Variants in KLHL26 observed in about 807,000 individuals in gnomAD.
KLHL26 encodes the protein kelch-like protein 26.
A neutral mutation model predicts 7.1 loss-of-function variants in KLHL26; 4 were observed. That is an observed-to-expected ratio of 0.56 (90% CI 0.28 to 1.28). KLHL26 has a LOEUF of 1.28. KLHL26 is among the 50% of genes most tolerant of loss of function. The pLI is 0.11. For missense variants in KLHL26, 896 were observed against 924.6 expected (o/e 0.97, Z 0.40); for synonymous variants, 465 against 414.1 (o/e 1.12, Z -1.49).
intron 1 of KLHL26, among the ~76,000 whole-genome samples, chr19:18,637,993 T>G (rs919788129): frequency 3.3e-5 from 5 of 152,124 alleles, no homozygotes; most frequent in Non-Finnish European, 7.4e-5. Flanking sequence ...ACTAATGATA[T>G]GTGTGTGCAT....
rs1282003943 is a variant in KLHL26 at position 18,655,718 on chromosome 19, C to T, written c.84-8543C>T. 2.6e-5 allele frequency among the ~76,000 whole-genome samples: 4 copies of T among 152,214 alleles called. 1 individual carries two copies. Among genetic ancestry groups the T allele is most frequent in the Non-Finnish European group, 5.9e-5 (4 of 68,038 alleles). ...TGGAGGCAGAGAGCTTGCTGCTGGT[C>T]AGGGAGGTGGGGTCTGAACACCCCC... is the stretch of plus-strand genomic sequence containing the variant. On this transcript the variant is annotated intron_variant, in intron 1 of 2. Coordinates refer to ENST00000300976, the MANE Select transcript of KLHL26 (RefSeq NM_018316.3).
intron 1 of KLHL26, among the ~76,000 whole-genome samples, chr19:18,645,001 G>C (rs2145374607): frequency 6.6e-6 from 1 of 152,248 alleles, no homozygotes; most frequent in African/African-American, 2.4e-5. Context: ...AAAAAAGAAA[G>C]AGAAAAGCTT....
rs1471943913 is a variant in KLHL26, at chr19:18,637,038, G to A, written c.-17G>A. The A allele has an allele frequency of 1.5e-6, 2 of 1,320,168 alleles. No individual in the cohort carries two copies. Among genetic ancestry groups the A allele is most frequent in the Non-Finnish European group, 2.0e-6 (2 of 1,025,164 alleles). 81.8% of individuals were successfully genotyped at this position (1,320,168 alleles called of 1,614,324 possible). ...CGCGCGGCTCCCGTCACTCGAACGC[G>A]CGACGGCGGGGGGAAGATGGCGGAG... On this transcript the variant is annotated 5_prime_UTR_variant, in exon 1 of 3. Coordinates refer to ENST00000300976, the MANE Select transcript of KLHL26 (RefSeq NM_018316.3).
At chr19:18,664,578 C>T (rs908310927) in intron 2 of KLHL26, 135 bp downstream of exon 2, 22 of 624,278 alleles carry the variant, frequency 3.5e-5, no homozygotes, top group Admixed American at 7.1e-5. Flanking sequence ...CGGCTGGTAC[C>T]GGCTGCTCTT....
At chr19:18,651,848 T>C (rs2052261413) in intron 1 of KLHL26, among the ~76,000 whole-genome samples, 2 of 152,242 alleles carry the variant, frequency 1.3e-5, no homozygotes. Context: ...TGAAGGGATT[T>C]GCTCATTCAA....
In KLHL26 at chr19:18,650,406, C is replaced by T. The variant is rs3752217; in HGVS notation, c.83+13269C>T. On this transcript the variant is annotated intron_variant, in intron 1 of 2. Transcript: ENST00000300976. The surrounding 1 kb of genome is among the most constrained non-coding windows in gnomAD (Gnocchi z 4.2). ...CCACAGAGGACCCCCAAGACACCCT[C>T]TCTGTTGCCATCAGCCTGAGTCATC... is the stretch of plus-strand genomic sequence containing the variant. Among the ~76,000 whole-genome samples the T allele has an allele frequency of 0.12, 17,776 of 152,130 alleles. 1,077 individuals carry two copies. Among genetic ancestry groups the T allele is most frequent in the Non-Finnish European group, 0.14 (9,286 of 67,952 alleles).
rs747931634 is a variant in KLHL26, at chr19:18,669,191, C to G, written c.1794C>G (p.Phe598Leu). 3.1e-6 allele frequency: 5 copies of G among 1,612,494 alleles called. No individual in the cohort carries two copies. In the Admixed American group the frequency reaches 8.3e-5, roughly 27 times the overall value. ...WERDLHFPES[F>L]AGIACAPVLL... ...GGGACCTGCACTTCCCGGAGTCCTT[C>G]GCAGGCATAGCCTGCGCCCCCGTCC... Residue 598 changes from phenylalanine to leucine, a missense_variant, in exon 3 of 3, where the codon TTC (phenylalanine) becomes TTG (leucine). Physicochemically the swap from Phe to Leu is conservative, Grantham distance 22. Transcript: ENST00000300976.
In KLHL26 at chr19:18,650,410, G is replaced by A. The variant is rs2052238369; in HGVS notation, c.83+13273G>A. Among the ~76,000 whole-genome samples, 1 of 152,156 alleles carries A rather than the reference G, an allele frequency of 6.6e-6. No individual in the cohort carries two copies. Among genetic ancestry groups the A allele is most frequent in the African/African-American group, 2.4e-5 (1 of 41,434 alleles). ...AGAGGACCCCCAAGACACCCTCTCT[G>A]TTGCCATCAGCCTGAGTCATCCTCT... On this transcript the variant is annotated intron_variant, in intron 1 of 2. Transcript: ENST00000300976. The surrounding 1 kb of genome is among the most constrained non-coding windows in gnomAD (Gnocchi z 4.2).
chr19:18,643,903 G>GT (rs1976758417), intron 1 of KLHL26, among the ~76,000 whole-genome samples: 2 of 152,042 alleles, frequency 1.3e-5, no homozygotes, highest in African/African-American at 2.4e-5. Context: ...CTGTATTTTT[G>GT]TTTTTTGTTT....
chr19:18,666,643 G>A (rs181455449), intron 2 of KLHL26, among the ~76,000 whole-genome samples: 117 of 152,250 alleles, frequency 7.7e-4, no homozygotes, highest in Non-Finnish European at 1.5e-3. Flanking sequence ...TGGAGGCTGG[G>A]GACGTAGCTG....
intron 1 of KLHL26, among the ~76,000 whole-genome samples, chr19:18,658,563 C>T (rs1245132808): frequency 7.0e-6 from 1 of 143,402 alleles, no homozygotes; most frequent in African/African-American, 2.6e-5. Context: ...CCCTCTCTCC[C>T]TGGGTCTCTG....
rs369505823 is a variant in KLHL26, at chr19:18,668,229, C to G, written c.832C>G (p.Arg278Gly). 6.2e-7 allele frequency: 1 copy of G among 1,611,978 alleles called. No homozygotes were observed. Among genetic ancestry groups the G allele is most frequent in the Non-Finnish European group, 8.5e-7 (1 of 1,179,878 alleles). Residue 278 changes from arginine (R) to glycine (G), a missense_variant, in exon 3 of 3, where the codon CGC becomes GGC. Physicochemically the swap from Arg to Gly is moderately radical, Grantham distance 125. Transcript: ENST00000300976. ...LDIMVEDVLC[R>G]QYLLEAFNYQ... The stretch of plus-strand genomic sequence containing the variant: ...CATCATGGTGGAGGACGTGCTGTGC[C>G]GCCAGTATCTGCTGGAGGCCTTCAA...
chr19:18,644,681 C>T (rs986675838), intron 1 of KLHL26: 12 of 152,258 alleles, frequency 7.9e-5, no homozygotes, highest in Admixed American at 6.5e-5. Context: ...GAATTCCCTT[C>T]TATGGGATCA....
Position 18,668,989 on chromosome 19 carries a change from A to G in KLHL26, c.1592A>G (p.Tyr531Cys). The G allele has an allele frequency of 6.2e-7, 1 of 1,612,548 alleles. No individual in the cohort carries two copies. The highest frequency in any genetic ancestry group is 8.5e-7 in the Non-Finnish European group (1 of 1,179,924). Reference sequence around the variant, plus strand: ...TGCTTCGACGTGCTGGCTGTGGAGTACTATGTGCCGGAGACGGACCAGTGG... The same window carrying G: ...TGCTTCGACGTGCTGGCTGTGGAGTGCTATGTGCCGGAGACGGACCAGTGG... ...DRCFDVLAVEYYVPETDQWTS... is the reference protein window; with the variant it reads ...DRCFDVLAVECYVPETDQWTS... The change falls in exon 3 of 3, where the codon TAC (tyrosine) becomes TGC (cysteine). Residue 531 changes from tyrosine to cysteine, a missense_variant. Transcript: ENST00000300976.
intron 1 of KLHL26, among the ~76,000 whole-genome samples, chr19:18,661,567 A>T (rs936854428): frequency 6.6e-6 from 1 of 152,042 alleles, no homozygotes; most frequent in Non-Finnish European, 1.5e-5. Flanking sequence ...CATCTTCCCC[A>T]GGATGCGTCA....
In KLHL26 at chr19:18,669,344, C is replaced by T. The variant is rs2052501336; in HGVS notation, c.*99C>T. The T allele has an allele frequency of 2.1e-6, 2 of 960,194 alleles. No individual in the cohort carries two copies. Among genetic ancestry groups the T allele is most frequent in the Admixed American group, 4.3e-5 (2 of 46,976 alleles). The allele number at this position is 960,194 out of a possible 1,614,324, so 59.5% of individuals were successfully genotyped here. On this transcript the variant is annotated 3_prime_UTR_variant, in exon 3 of 3. Transcript: ENST00000300976. ...TGAGAACCCCAGTGCCCCCCTTCGC[C>T]CGGGCTGCCCTTGAGGGGCCTGCTG...
chr19:18,667,677 G>C lies in KLHL26; in HGVS notation c.280G>C (p.Gly94Arg). 6.2e-7 allele frequency: 1 copy of C among 1,611,258 alleles called. No homozygotes were observed. Among genetic ancestry groups the C allele is most frequent in the Non-Finnish European group, 8.5e-7 (1 of 1,178,796 alleles). Residue 94 changes from glycine to arginine, a missense_variant, in exon 3 of 3, where the codon GGC (glycine) becomes CGC (arginine). Coordinates refer to ENST00000300976, the MANE Select transcript of KLHL26 (RefSeq NM_018316.3). ...CSDYFRAMFT[G>R]GMREASQDVI... ...TCTGCCCTTCAGGGCCATGTTCACCGGCGGCATGCGGGAGGCAAGCCAGGA... is the reference window on the plus strand; with the variant it reads ...TCTGCCCTTCAGGGCCATGTTCACCCGCGGCATGCGGGAGGCAAGCCAGGA...
rs756381637 is a variant in KLHL26 at position 18,667,862 on chromosome 19, C to T, written c.465C>T (p.Phe155=). 5.0e-6 allele frequency: 8 copies of T among 1,612,966 alleles called. No individual in the cohort carries two copies. Among genetic ancestry groups the T allele is most frequent in the Admixed American group, 3.3e-5 (2 of 60,020 alleles). ...CCGTGGTGGAGCTGTGCGAGGAGTT[C>T]CTGAAGGCGGCCATGAGCGTGGAGA... ...MLPVVELCEE[F]LKAAMSVETC... is the part of the protein sequence containing the mutation. Residue 155 remains phenylalanine (F), a synonymous_variant, in exon 3 of 3, where the codon TTC becomes TTT. Coordinates refer to ENST00000300976, the MANE Select transcript of KLHL26 (RefSeq NM_018316.3).
intron 1 of KLHL26, among the ~76,000 whole-genome samples, chr19:18,639,256 T>A (rs888124959): frequency 6.6e-6 from 1 of 151,076 alleles, no homozygotes; most frequent in Non-Finnish European, 1.5e-5. Flanking sequence ...TTGTATTTTT[T>A]AAGTAGAGAC....
Sources: allele counts gnomAD v4.1 joint callset (sites outside exome capture counted in the v4.1 genomes callset), GRCh38; gene constraint gnomAD v4.1.1; non-coding constraint Gnocchi (gnomAD v3.1); transcripts MANE v1.5; gene names NCBI Gene and HGNC (gene_info 2026-07-23, HGNC 2026-07-21).